Variants in SULF1 observed in about 807,000 individuals in gnomAD.
The protein encoded by SULF1 is sulfatase 1.
In SULF1, 46 loss-of-function variants were observed where a neutral mutation model predicts 110.5. That is an observed-to-expected ratio of 0.42 (90% confidence interval 0.33 to 0.53). The LOEUF is 0.53. Among genes scored for constraint, SULF1 ranks in the 20% least tolerant of loss-of-function variants. SULF1 has a pLI of 0.12. For missense variants in SULF1, 941 were observed against 1,094.2 expected (o/e 0.86, Z 1.98); for synonymous variants, 371 against 387.1 (o/e 0.96, Z 0.49).
At chr8:69,600,396 A>T (rs1807703945) in intron 8 of SULF1, among the ~76,000 whole-genome samples, 1 of 152,186 alleles carries the variant, frequency 6.6e-6, no homozygotes, top group Admixed American at 6.5e-5. Context: ...ATATGTTTGA[A>T]TATATATACC....
chr8:69,620,790 T>C (rs1188662816), intron 13 of SULF1, among the ~76,000 whole-genome samples: 1 of 152,184 alleles, frequency 6.6e-6, no homozygotes, highest in Non-Finnish European at 1.5e-5. Context: ...TTGGCTCTAG[T>C]GACATTGAGG....
intron 22 of SULF1, 135 bp downstream of exon 22, chr8:69,640,976 C>A: frequency 1.5e-6 from 1 of 682,888 alleles, no homozygotes; most frequent in South Asian, 2.4e-5. Context: ...TAACAGCATT[C>A]TCCACTATGT....
chr8:69,634,082 T>C lies in SULF1; in HGVS notation c.2284+4403T>C, dbSNP rs539761813. Among the ~76,000 whole-genome samples the C allele has an allele frequency of 5.9e-5, 9 of 152,348 alleles. No individual in the cohort carries two copies. The South Asian group carries it at 1.7e-3, about 28-fold the overall frequency. ...GATCTTTTAATGAAAAGTCGTATAA[T>C]GATGAAAGCATTTTCAATCATCCAT... On this transcript the variant is annotated intron_variant, in intron 19 of 22. Coordinates refer to ENST00000402687, the MANE Select transcript of SULF1 (RefSeq NM_001128205.2).
At chr8:69,619,219 A>G (rs533716343) in intron 13 of SULF1, among the ~76,000 whole-genome samples, 41 of 152,326 alleles carry the variant, frequency 2.7e-4, no homozygotes, top group African/African-American at 9.9e-4. Context: ...CAAAAACAAT[A>G]AAGGATAAAG....
chr8:69,615,243 A>C (rs1018014524), intron 13 of SULF1, among the ~76,000 whole-genome samples: 1 of 152,312 alleles, frequency 6.6e-6, no homozygotes, highest in Admixed American at 6.5e-5. Flanking sequence ...GGCTTGCTTC[A>C]TGAGTTTCAG....
At chr8:69,576,780 G>C (rs2150745756) in intron 6 of SULF1, among the ~76,000 whole-genome samples, 1 of 152,316 alleles carries the variant, frequency 6.6e-6, no homozygotes, top group Middle Eastern at 3.4e-3. Flanking sequence ...CTTCATAAAA[G>C]GGCACAACGT....
rs554843715 is a variant in SULF1, at chr8:69,550,968, A to T, written c.-133-12571A>T. Among the ~76,000 whole-genome samples the T allele has an allele frequency of 4.6e-5, 7 of 152,244 alleles. No homozygotes were observed. The South Asian group carries it at 1.4e-3, about 32-fold the overall frequency. ...AGCATTCCCAGAGGCACCTAATGTC[A>T]TGGTGTCTTTACTATCATGGTGGTT... On this transcript the variant is annotated intron_variant, in intron 3 of 22. Coordinates refer to ENST00000402687, the MANE Select transcript of SULF1 (RefSeq NM_001128205.2).
intron 1 of SULF1, among the ~76,000 whole-genome samples, chr8:69,480,755 G>A (rs1809482364): frequency 6.6e-6 from 1 of 151,956 alleles, no homozygotes; most frequent in South Asian, 2.1e-4. Context: ...GATTAATTTA[G>A]AATATCCTAA....
intron 3 of SULF1, among the ~76,000 whole-genome samples, chr8:69,505,380 C>A (rs943790514): frequency 1.3e-5 from 2 of 152,080 alleles, no homozygotes; most frequent in South Asian, 2.1e-4. Context: ...CACTGTTGGA[C>A]AAGGTTTGGT....
At chr8:69,624,905 TTCTC>T (rs1415684149) in intron 15 of SULF1, among the ~76,000 whole-genome samples, 1 of 152,236 alleles carries the variant, frequency 6.6e-6, no homozygotes, top group African/African-American at 2.4e-5. Context: ...GATCTTTGTT[TTCTC>T]TCCCTAATTG....
chr8:69,636,425 T>C (rs1811018336), intron 19 of SULF1, among the ~76,000 whole-genome samples: 2 of 151,828 alleles, frequency 1.3e-5, no homozygotes, highest in South Asian at 2.1e-4. Context: ...TAGTCCCAGC[T>C]ACTTGGGAGG....
intron 13 of SULF1, among the ~76,000 whole-genome samples, chr8:69,620,697 C>T (rs913468780): frequency 2.0e-5 from 3 of 152,168 alleles, no homozygotes; most frequent in Admixed American, 2.0e-4. Context: ...ACAGCTGCAC[C>T]GTGTGTCTTG....
chr8:69,475,995 C>G (rs1032879894), intron 1 of SULF1, among the ~76,000 whole-genome samples: 20 of 152,182 alleles, frequency 1.3e-4, no homozygotes, highest in African/African-American at 4.8e-4. Context: ...TCAAAATACT[C>G]AACTACATCT....
intron 3 of SULF1, among the ~76,000 whole-genome samples, chr8:69,531,674 A>C (rs1190968026): frequency 6.6e-6 from 1 of 152,244 alleles, no homozygotes; most frequent in African/African-American, 2.4e-5. Flanking sequence ...GACTGAGAGA[A>C]GTCTCTGCGG....
chr8:69,513,014 TG>T (rs1259811388), intron 3 of SULF1, among the ~76,000 whole-genome samples: 3 of 152,222 alleles, frequency 2.0e-5, no homozygotes, highest in African/African-American at 7.2e-5. Flanking sequence ...GGTACCCTAC[TG>T]TCATTTATAT....
At chr8:69,638,126 T>A (rs746730707) in intron 19 of SULF1, 30 of 207,516 alleles carry the variant, frequency 1.4e-4, no homozygotes, top group Non-Finnish European at 2.7e-4. Flanking sequence ...CATATCTTTA[T>A]TAAATAACCA....
chr8:69,561,687 C>G (rs1815494878), intron 3 of SULF1, among the ~76,000 whole-genome samples: 1 of 152,130 alleles, frequency 6.6e-6, no homozygotes, highest in Non-Finnish European at 1.5e-5. Flanking sequence ...GCACAAAGGC[C>G]CTCTTCACAA....
intron 3 of SULF1, among the ~76,000 whole-genome samples, chr8:69,512,413 C>A (rs927999196): frequency 6.6e-5 from 10 of 152,146 alleles, no homozygotes; most frequent in Non-Finnish European, 1.3e-4. Context: ...CAGTTCAAAT[C>A]TTTTCAAAGC....
At chr8:69,612,247 T>A (rs564429157) in intron 13 of SULF1, among the ~76,000 whole-genome samples, 2 of 152,268 alleles carry the variant, frequency 1.3e-5, no homozygotes, top group East Asian at 3.9e-4. Flanking sequence ...TATGCACTTG[T>A]TGGTTGATGG....
Sources: allele counts gnomAD v4.1 joint callset (sites outside exome capture counted in the v4.1 genomes callset), GRCh38; gene constraint gnomAD v4.1.1; transcripts MANE v1.5; gene names NCBI Gene and HGNC (gene_info 2026-07-23, HGNC 2026-07-21).